GRM7: variants seen among roughly 807,000 people sequenced by gnomAD.
The protein encoded by GRM7 is glutamate metabotropic receptor 7.
In GRM7, 35 loss-of-function variants were observed where a neutral mutation model predicts 84.5. The ratio of observed to expected loss-of-function variants is 0.41; its 90% CI spans 0.32 to 0.55. The LOEUF is 0.55. Among genes scored for constraint, GRM7 ranks in the 20% least tolerant of loss-of-function variants. The pLI, the probability that GRM7 is intolerant of heterozygous loss-of-function variation, is 0.19. For synonymous variants in GRM7, 487 were observed against 455.1 expected, an observed-to-expected ratio of 1.07 and a Z score of -0.89; for missense variants, 1,003 against 1,194.6, an observed-to-expected ratio of 0.84 and a Z score of 2.36.
intron 2 of GRM7, among the ~76,000 whole-genome samples, chr3:7,197,705 T>A (rs1695924531): frequency 6.6e-6 from 1 of 152,148 alleles, no homozygotes; most frequent in Admixed American, 6.5e-5. Context: ...ACAAGTTTTT[T>A]TTTTTTTCTA....
At chr3:7,576,933 G>T (rs1374335857) in intron 7 of GRM7, among the ~76,000 whole-genome samples, 2 of 152,052 alleles carry the variant, frequency 1.3e-5, no homozygotes, top group Admixed American at 6.6e-5. Context: ...CTTGCTTCAG[G>T]GATAGCTATA....
chr3:7,218,523 A>G (rs775874974), intron 2 of GRM7, among the ~76,000 whole-genome samples: 33 of 152,062 alleles, frequency 2.2e-4, no homozygotes, highest in Non-Finnish European at 4.4e-4. Flanking sequence ...TAGATGACAT[A>G]TAAAAGCTTA....
chr3:7,523,795 A>T (rs970736363), intron 7 of GRM7, among the ~76,000 whole-genome samples: 3 of 152,032 alleles, frequency 2.0e-5, no homozygotes, highest in African/African-American at 7.2e-5. Context: ...TATAGTGGGG[A>T]TTAAGGACAG....
intron 1 of GRM7, among the ~76,000 whole-genome samples, chr3:6,900,359 G>T (rs1464755694): frequency 6.6e-6 from 1 of 152,126 alleles, no homozygotes; most frequent in African/African-American, 2.4e-5. Context: ...TGTTTTAAAA[G>T]CACAATAAAT....
chr3:6,991,418 G>A (rs1014206003), intron 1 of GRM7, among the ~76,000 whole-genome samples: 2 of 152,104 alleles, frequency 1.3e-5, no homozygotes, highest in East Asian at 1.9e-4. Context: ...AAATGTGAAC[G>A]TTGCAAGAAC....
intron 1 of GRM7, among the ~76,000 whole-genome samples, chr3:6,889,874 G>T (rs1269493380): frequency 6.6e-6 from 1 of 152,088 alleles, no homozygotes; most frequent in African/African-American, 2.4e-5. Context: ...GACTCTTTTT[G>T]GTTGGTAAGC....
chr3:7,556,101 C>A (rs1471182164), intron 7 of GRM7, among the ~76,000 whole-genome samples: 1 of 152,054 alleles, frequency 6.6e-6, no homozygotes, highest in East Asian at 1.9e-4. Context: ...AAGGTGCTGG[C>A]AGATTTGGAG....
chr3:6,927,575 A>C (rs1031509317), intron 1 of GRM7, among the ~76,000 whole-genome samples: 1 of 152,166 alleles, frequency 6.6e-6, no homozygotes, highest in South Asian at 2.1e-4. Flanking sequence ...TAAATACAGA[A>C]AAATTTAGAA....
At chr3:7,313,242 T>A (rs1476634045) in intron 4 of GRM7, among the ~76,000 whole-genome samples, 1 of 152,118 alleles carries the variant, frequency 6.6e-6, no homozygotes, top group Non-Finnish European at 1.5e-5. Context: ...CCTCCTGTTT[T>A]TAATGTTATC....
At chr3:7,160,466 A>G (rs560484591) in intron 2 of GRM7, among the ~76,000 whole-genome samples, 7 of 152,224 alleles carry the variant, frequency 4.6e-5, no homozygotes, top group African/African-American at 1.4e-4. Context: ...GCATGCAGGG[A>G]TTCCATCTGA....
At chr3:7,344,350 TTTTCTATTCTTGTGTTAGTTTGC>T (rs1692790222) in intron 4 of GRM7, among the ~76,000 whole-genome samples, 1 of 152,178 alleles carries the variant, frequency 6.6e-6, no homozygotes, top group Non-Finnish European at 1.5e-5. Context: ...CAGCATTTGG[TTTTCTATTCTTGTGTTAGTTTGC>T]TAAAGATAAT....
chr3:7,453,233 C>A (rs145018606), intron 6 of GRM7, among the ~76,000 whole-genome samples: 225 of 152,176 alleles, frequency 1.5e-3, no homozygotes, highest in African/African-American at 4.5e-3. Context: ...AGGTTTCCCC[C>A]ACACACCAAG....
intron 1 of GRM7, among the ~76,000 whole-genome samples, chr3:6,910,911 C>A (rs1042324423): frequency 6.6e-6 from 1 of 152,032 alleles, no homozygotes; most frequent in Non-Finnish European, 1.5e-5. Context: ...TTCTATATTG[C>A]AATAAATTAA....
chr3:7,176,229 TAAAAAA>T (rs55732650), intron 2 of GRM7, among the ~76,000 whole-genome samples: 16 of 63,140 alleles, frequency 2.5e-4, no homozygotes, highest in African/African-American at 8.8e-4. Context: ...CTATAAAAAG[TAAAAAA>T]AAAAAAAAAA....
chr3:7,184,991 A>G (rs1695466889), intron 2 of GRM7, among the ~76,000 whole-genome samples: 1 of 152,204 alleles, frequency 6.6e-6, no homozygotes, highest in South Asian at 2.1e-4. Flanking sequence ...ATTTTTACAC[A>G]TTATGTAACT....
chr3:7,585,017 CA>C (rs1695453257), intron 8 of GRM7, among the ~76,000 whole-genome samples: 1 of 152,122 alleles, frequency 6.6e-6, no homozygotes, highest in Non-Finnish European at 1.5e-5. Flanking sequence ...CACACATACC[CA>C]AACTTATTTT....
intron 1 of GRM7, among the ~76,000 whole-genome samples, chr3:6,925,144 C>T (rs190803893): frequency 2.0e-5 from 3 of 152,200 alleles, no homozygotes; most frequent in East Asian, 1.9e-4. Flanking sequence ...AATCCCTCAT[C>T]GTATAATCAT....
chr3:7,504,635 G>T (rs770056934), intron 7 of GRM7, among the ~76,000 whole-genome samples: 6 of 152,144 alleles, frequency 3.9e-5, no homozygotes, highest in Admixed American at 2.6e-4. Context: ...CCAGAAAGAG[G>T]TTGCTTTTTA....
chr3:7,725,865 A>G (rs1420165904), intron 9 of GRM7, among the ~76,000 whole-genome samples: 1 of 152,208 alleles, frequency 6.6e-6, no homozygotes, highest in African/African-American at 2.4e-5. Flanking sequence ...AGCTAAAGTT[A>G]TAAAACAGCT....
Sources: gnomAD v4.1 joint callset for allele counts (sites outside exome capture counted in the v4.1 genomes callset) on GRCh38, gnomAD v4.1.1 for gene constraint, MANE v1.5 for transcripts, NCBI Gene and HGNC (gene_info 2026-07-23, HGNC 2026-07-21) for gene names.